The following MYO1E variants were observed in gnomAD, a reference collection of about 807,000 sequenced individuals.
The protein encoded by MYO1E is unconventional myosin-Ie.
MYO1E carries 68 observed loss-of-function variants against 151.1 expected under a neutral mutation model. That is an observed-to-expected ratio of 0.45 (90% CI 0.37 to 0.55). The LOEUF is 0.55. MYO1E is among the 20% of genes least tolerant of loss of function. The pLI, the probability that MYO1E is intolerant of heterozygous loss-of-function variation, is 0.00. For synonymous variants in MYO1E, 601 were observed against 501.7 expected (o/e 1.20, Z -2.64); for missense variants, 1,363 against 1,389.3 (o/e 0.98, Z 0.30).
intron 6 of MYO1E, among the ~76,000 whole-genome samples, chr15:59,228,001 G>A (rs1327969278): frequency 6.6e-6 from 1 of 152,226 alleles, no homozygotes; most frequent in East Asian, 1.9e-4. Context: ...CTTACCTACG[G>A]AGCATCTAAA....
rs189162957 is a variant in MYO1E, at chr15:59,200,628, G to C, written c.1698+1698C>G. Among the ~76,000 whole-genome samples, 5 of 151,946 alleles carry C rather than the reference G, an allele frequency of 3.3e-5. No homozygotes were observed. The East Asian group carries it at 9.7e-4, about 30-fold the overall frequency. On this transcript the variant is annotated intron_variant, in intron 16 of 27. Coordinates refer to ENST00000288235, the MANE Select transcript of MYO1E (RefSeq NM_004998.4). ...TGTGACACCCCAACTTTACAAAAAA[G>C]AAAAAAACAACAATTAAGCAGAGAC...
intron 1 of MYO1E, among the ~76,000 whole-genome samples, chr15:59,300,315 GACAC>G (rs1214320696): frequency 2.9e-5 from 4 of 138,846 alleles, no homozygotes; most frequent in Non-Finnish European, 6.2e-5. Flanking sequence ...CACACACACA[GACAC>G]ACACACACAC....
intron 4 of MYO1E, among the ~76,000 whole-genome samples, chr15:59,249,989 C>A (rs955764713): frequency 6.6e-5 from 10 of 151,960 alleles, no homozygotes; most frequent in South Asian, 2.1e-4. Context: ...AAGGCCCAGA[C>A]AGGTGTGAGG....
chr15:59,162,659 G>GAAAAAAAAAAAAAAAAAAAAA (rs56116339), intron 23 of MYO1E, among the ~76,000 whole-genome samples: 1 of 120,910 alleles, frequency 8.3e-6, no homozygotes, highest in Non-Finnish European at 1.7e-5. Flanking sequence ...AAAAAAAAAA[G>GAAAAAAAAAAAAAAAAAAAAA]AAAAAAAAAA....
chr15:59,144,829 T>G (rs1950040344), intron 26 of MYO1E, among the ~76,000 whole-genome samples: 1 of 151,922 alleles, frequency 6.6e-6, no homozygotes, highest in African/African-American at 2.4e-5. Flanking sequence ...GTGTCATTAA[T>G]GAGAAGAAAG....
intron 1 of MYO1E, among the ~76,000 whole-genome samples, chr15:59,280,167 C>T (rs754596188): frequency 1.7e-4 from 26 of 152,280 alleles, no homozygotes; most frequent in Non-Finnish European, 3.2e-4. Context: ...AGAAGAGACA[C>T]GACAGCTTTC....
chr15:59,144,075 T>C (rs1464914496), intron 26 of MYO1E, among the ~76,000 whole-genome samples: 1 of 152,236 alleles, frequency 6.6e-6, no homozygotes, highest in Non-Finnish European at 1.5e-5. Flanking sequence ...GTCTGTGTGC[T>C]GGGTTTGGGG....
intron 3 of MYO1E, among the ~76,000 whole-genome samples, chr15:59,256,661 T>C (rs2080195687): frequency 6.6e-6 from 1 of 152,144 alleles, no homozygotes; most frequent in Admixed American, 6.5e-5. Flanking sequence ...ATGTGCCCCG[T>C]GTCTTTAGAC....
rs181955872 is a variant in MYO1E, at chr15:59,339,881, T to C, written c.3+32617A>G. On this transcript the variant is annotated intron_variant, in intron 1 of 27. Coordinates refer to ENST00000288235, the MANE Select transcript of MYO1E (RefSeq NM_004998.4). ...TTTTTTTTTTTTGACAGAGTCTTGC[T>C]CTGTCGCCTAGCCTGGAATGCGGTG... is the stretch of plus-strand genomic sequence containing the variant. Among the ~76,000 whole-genome samples the C allele has an allele frequency of 3.5e-3, 527 of 150,238 alleles. 2 individuals carry two copies. The highest frequency in any genetic ancestry group is 5.6e-3 in the Non-Finnish European group (379 of 67,738).
At chr15:59,297,485 G>T (rs1394236360) in intron 1 of MYO1E, among the ~76,000 whole-genome samples, 2 of 132,756 alleles carry the variant, frequency 1.5e-5, no homozygotes, top group African/African-American at 5.8e-5. Flanking sequence ...TTTTTGCCAT[G>T]TTGGCCAGGC....
chr15:59,248,486 CAA>C (rs71119447), intron 4 of MYO1E, among the ~76,000 whole-genome samples: 5 of 57,042 alleles, frequency 8.8e-5, no homozygotes, highest in African/African-American at 1.5e-4. Context: ...GACTCCATCT[CAA>C]AAAAAAAAAA....
intron 10 of MYO1E, among the ~76,000 whole-genome samples, chr15:59,217,030 C>A (rs1566982059): frequency 6.6e-6 from 1 of 152,118 alleles, no homozygotes; most frequent in Non-Finnish European, 1.5e-5. Flanking sequence ...CTCCTGCCAA[C>A]AGCCACATGG....
At chr15:59,275,973 G>A (rs920012456) in intron 1 of MYO1E, among the ~76,000 whole-genome samples, 2 of 152,186 alleles carry the variant, frequency 1.3e-5, no homozygotes, top group African/African-American at 4.8e-5. Context: ...GAGTTACATG[G>A]GCGGTGTGGT....
At chr15:59,235,935 T>C (rs562855226) in intron 5 of MYO1E, among the ~76,000 whole-genome samples, 1 of 152,346 alleles carries the variant, frequency 6.6e-6, no homozygotes, top group South Asian at 2.1e-4. Context: ...GTGAACATAC[T>C]TTCATGTTTT....
intron 15 of MYO1E, among the ~76,000 whole-genome samples, chr15:59,204,797 C>T (rs1361839521): frequency 1.1e-4 from 17 of 152,150 alleles, no homozygotes; most frequent in Non-Finnish European, 8.8e-5. Context: ...TCTTGCTAAG[C>T]CATTAACCAT....
At chr15:59,310,494 C>G (rs2080544330) in intron 1 of MYO1E, among the ~76,000 whole-genome samples, 1 of 152,122 alleles carries the variant, frequency 6.6e-6, no homozygotes, top group South Asian at 2.1e-4. Context: ...ATGATGGAGG[C>G]AGAGATTGGG....
chr15:59,217,046 C>G (rs780400766), intron 10 of MYO1E, among the ~76,000 whole-genome samples: 3 of 152,096 alleles, frequency 2.0e-5, no homozygotes, highest in East Asian at 1.9e-4. Flanking sequence ...CATGGGCAAT[C>G]CATCTTTCAG....
intron 2 of MYO1E, among the ~76,000 whole-genome samples, chr15:59,261,731 G>A (rs2080225419): frequency 6.6e-6 from 1 of 152,090 alleles, no homozygotes; most frequent in Non-Finnish European, 1.5e-5. Context: ...GCTACAAAAT[G>A]AAATCATTAT....
chr15:59,175,227 T>G (rs1051816841), intron 19 of MYO1E, among the ~76,000 whole-genome samples: 1 of 152,216 alleles, frequency 6.6e-6, no homozygotes. Context: ...AATCTGCACT[T>G]GATCCACTTG....
Sources: allele counts gnomAD v4.1 joint callset (sites outside exome capture counted in the v4.1 genomes callset), GRCh38; gene constraint gnomAD v4.1.1; transcripts MANE v1.5; gene names NCBI Gene and HGNC (gene_info 2026-07-23, HGNC 2026-07-21).